ERBB4: variants seen among roughly 807,000 people sequenced by gnomAD.
ERBB4 encodes receptor tyrosine-protein kinase erbB-4.
Under a neutral mutation model 158.0 loss-of-function variants are expected in ERBB4, and 42 were observed. The observed-to-expected ratio is 0.27, with a 90% CI of 0.21 to 0.34. The LOEUF (loss-of-function observed/expected upper bound fraction) is 0.34. Ranked by LOEUF, ERBB4 falls within the 10% of genes least tolerant of loss-of-function variation. ERBB4 has a pLI of 1.00. For missense variants in ERBB4, 1,333 were observed against 1,624.1 expected, an observed-to-expected ratio of 0.82 and a Z score of 3.08; for synonymous variants, 583 against 558.7, an observed-to-expected ratio of 1.04 and a Z score of -0.61.
intron 19 of ERBB4, among the ~76,000 whole-genome samples, chr2:211,574,182 A>G (rs562109522): frequency 6.6e-6 from 1 of 152,346 alleles, no homozygotes; most frequent in South Asian, 2.1e-4. Context: ...TTGATCTTTT[A>G]AAGTCTGGAG....
chr2:211,556,955 T>C (rs901542414), intron 20 of ERBB4, among the ~76,000 whole-genome samples: 2 of 152,032 alleles, frequency 1.3e-5, no homozygotes, highest in Non-Finnish European at 2.9e-5. Context: ...GAAATAAGGC[T>C]GCATACCTTC....
At chr2:212,427,769 C>T (rs528995155) in intron 1 of ERBB4, among the ~76,000 whole-genome samples, 1 of 152,254 alleles carries the variant, frequency 6.6e-6, no homozygotes, top group South Asian at 2.1e-4. Flanking sequence ...GTCCTGGTTG[C>T]TCTCTTTTCG....
chr2:212,452,392 C>A (rs939750130), intron 1 of ERBB4, among the ~76,000 whole-genome samples: 2 of 151,890 alleles, frequency 1.3e-5, no homozygotes, highest in Admixed American at 6.6e-5. Context: ...GGTCAGTTTA[C>A]AAATTACAAA....
intron 4 of ERBB4, among the ~76,000 whole-genome samples, chr2:211,751,941 T>C (rs2075143099): frequency 6.6e-6 from 1 of 152,214 alleles, no homozygotes; most frequent in African/African-American, 2.4e-5. Flanking sequence ...TCCAGTCATC[T>C]TAAAAGTACG....
At chr2:211,970,523 AG>A (rs1465227504) in intron 2 of ERBB4, among the ~76,000 whole-genome samples, 1 of 152,152 alleles carries the variant, frequency 6.6e-6, no homozygotes, top group Non-Finnish European at 1.5e-5. Context: ...GTCTCTTCAA[AG>A]GTCTCTAAAC....
chr2:211,620,407 C>A (rs1399129997), intron 18 of ERBB4, among the ~76,000 whole-genome samples: 1 of 152,102 alleles, frequency 6.6e-6, no homozygotes, highest in Non-Finnish European at 1.5e-5. Flanking sequence ...AAAAGTTTTT[C>A]ACTTTGAACT....
At chr2:211,768,779 T>C in intron 4 of ERBB4, among the ~76,000 whole-genome samples, 1 of 143,260 alleles carries the variant, frequency 7.0e-6, no homozygotes, top group Admixed American at 6.9e-5. Context: ...GCCTTTTGGC[T>C]TGTGATGCGA....
At chr2:212,147,718 A>T (rs1469798158) in intron 1 of ERBB4, among the ~76,000 whole-genome samples, 2 of 152,204 alleles carry the variant, frequency 1.3e-5, no homozygotes, top group African/African-American at 4.8e-5. Context: ...ATAAAATCAA[A>T]TCCAATAAAA....
chr2:212,174,423 G>A (rs1207791113), intron 1 of ERBB4, among the ~76,000 whole-genome samples: 1 of 152,096 alleles, frequency 6.6e-6, no homozygotes, highest in East Asian at 1.9e-4. Flanking sequence ...TGCTATTTCA[G>A]AATAGCATCA....
At chr2:212,337,644 T>C (rs1024451592) in intron 1 of ERBB4, among the ~76,000 whole-genome samples, 3 of 152,088 alleles carry the variant, frequency 2.0e-5, no homozygotes, top group Admixed American at 6.6e-5. Flanking sequence ...AGAATGTGCA[T>C]TTTGGCAAAT....
chr2:211,711,762 T>A (rs1199381116), intron 9 of ERBB4, among the ~76,000 whole-genome samples: 1 of 152,136 alleles, frequency 6.6e-6, no homozygotes, highest in African/African-American at 2.4e-5. Flanking sequence ...TAAAAATAAG[T>A]CAAGCTTGCT....
intron 1 of ERBB4, among the ~76,000 whole-genome samples, chr2:212,381,814 G>T (rs1235218067): frequency 6.6e-6 from 1 of 151,220 alleles, no homozygotes; most frequent in Non-Finnish European, 1.5e-5. Context: ...GCTCAGAATT[G>T]TAATTATTTT....
intron 1 of ERBB4, among the ~76,000 whole-genome samples, chr2:212,506,793 C>T (rs933339137): frequency 6.6e-6 from 1 of 152,098 alleles, no homozygotes; most frequent in African/African-American, 2.4e-5. Context: ...GTCTCCATAA[C>T]AAAAAGCAAG....
intron 1 of ERBB4, among the ~76,000 whole-genome samples, chr2:212,212,421 G>T (rs1574445097): frequency 6.6e-6 from 1 of 151,726 alleles, no homozygotes; most frequent in Non-Finnish European, 1.5e-5. Flanking sequence ...AAAGGACGCA[G>T]ACAAATGGAA....
rs139500067 is a variant in ERBB4 at position 212,526,747 on chromosome 2, C to A, written c.82+11702G>T. ...TTCATGGCTAGCAATGGTATCTATT[C>A]TAGTTAAAATTTTTTAAATGACATT... On this transcript the variant is annotated intron_variant, in intron 1 of 27. Coordinates refer to ENST00000342788, the MANE Select transcript of ERBB4 (RefSeq NM_005235.3). Among the ~76,000 whole-genome samples the A allele has an allele frequency of 4.1e-3, 624 of 152,026 alleles. 3 individuals are homozygous for A. The highest frequency in any genetic ancestry group is 6.4e-3 in the Non-Finnish European group (436 of 67,916).
chr2:212,324,384 T>A lies in ERBB4; in HGVS notation c.83-199481A>T, dbSNP rs186419381. Among the ~76,000 whole-genome samples the A allele has an allele frequency of 1.9e-3, 279 of 150,718 alleles. 2 individuals carry two copies. The highest frequency in any genetic ancestry group is 6.5e-3 in the African/African-American group (268 of 41,420). ...GTCGGCCTCTCACTTTGAAAACATC[T>A]AATGTATATAGAGCTTTATTATTTA... is the stretch of plus-strand genomic sequence containing the variant. On this transcript the variant is annotated intron_variant, in intron 1 of 27. Transcript: ENST00000342788.
At chr2:212,524,207 T>G (rs1198076291) in intron 1 of ERBB4, among the ~76,000 whole-genome samples, 1 of 152,028 alleles carries the variant, frequency 6.6e-6, no homozygotes, top group African/African-American at 2.4e-5. Flanking sequence ...TTATAATAAT[T>G]AAGCTGACGT....
At chr2:211,616,154 A>T (rs1397147185) in intron 19 of ERBB4, among the ~76,000 whole-genome samples, 1 of 151,960 alleles carries the variant, frequency 6.6e-6, no homozygotes, top group Non-Finnish European at 1.5e-5. Context: ...AAGGATATGT[A>T]GGGGGTGAAG....
At chr2:212,465,054 A>T (rs1688763178) in intron 1 of ERBB4, among the ~76,000 whole-genome samples, 1 of 152,116 alleles carries the variant, frequency 6.6e-6, no homozygotes, top group African/African-American at 2.4e-5. Context: ...TTTCCAAGCC[A>T]CACACTTGAA....
Sources: gnomAD v4.1 joint callset for allele counts (sites outside exome capture counted in the v4.1 genomes callset) on GRCh38, gnomAD v4.1.1 for gene constraint, MANE v1.5 for transcripts, NCBI Gene and HGNC (gene_info 2026-07-23, HGNC 2026-07-21) for gene names.